SRL: variants seen among roughly 807,000 people sequenced by gnomAD.
SRL encodes the protein sarcalumenin.
A neutral mutation model predicts 39.5 loss-of-function variants in SRL; 23 were observed. The observed-to-expected ratio is 0.58, with a 90% confidence interval of 0.42 to 0.82. The LOEUF is 0.82. SRL is among the 40% of genes least tolerant of loss of function. The pLI, the probability that SRL is intolerant of heterozygous loss-of-function variation, is 0.00. For missense variants in SRL, 592 were observed against 607.8 expected, an observed-to-expected ratio of 0.97 and a Z score of 0.27; for synonymous variants, 272 against 237.4, an observed-to-expected ratio of 1.15 and a Z score of -1.34.
intron 1 of SRL, among the ~76,000 whole-genome samples, chr16:4,240,807 A>G (rs1355248595): frequency 1.3e-5 from 2 of 152,114 alleles, no homozygotes; most frequent in Admixed American, 6.6e-5. Flanking sequence ...TCCGGATCCA[A>G]TTACGCGGCT....
In SRL at chr16:4,197,771, C is replaced by T. The variant is rs1567174788; in HGVS notation, c.376+28G>A. On this transcript the variant is annotated intron_variant, in intron 4 of 5. Transcript: ENST00000399609. ...TGCTTTTACATACAACATTCAAATC[C>T]CAACAATCACACAAGAATATTGATT... 4 of 1,467,844 alleles carry T rather than the reference C, an allele frequency of 2.7e-6. 1 individual carries two copies. The highest frequency in any genetic ancestry group is 3.8e-6 in the Non-Finnish European group (4 of 1,047,120). The allele number at this position is 1,467,844 out of a possible 1,614,324, so 90.9% of individuals were successfully genotyped here.
chr16:4,231,858 AAG>A (rs2052662870), intron 1 of SRL, among the ~76,000 whole-genome samples: 1 of 152,226 alleles, frequency 6.6e-6, no homozygotes, highest in Non-Finnish European at 1.5e-5. Flanking sequence ...TAAGCTTAGA[AAG>A]TATCTATTAT....
chr16:4,231,281 A>C (rs2052657692), intron 1 of SRL, among the ~76,000 whole-genome samples: 1 of 152,104 alleles, frequency 6.6e-6, no homozygotes, highest in South Asian at 2.1e-4. Context: ...GCACCACTGC[A>C]CTCCAGCCTG....
intron 1 of SRL, among the ~76,000 whole-genome samples, chr16:4,220,447 A>G (rs1367561180): frequency 6.7e-6 from 1 of 148,772 alleles, no homozygotes; most frequent in Non-Finnish European, 1.5e-5. Flanking sequence ...ACTGTCCTAG[A>G]AAAAAAAAAC....
chr16:4,232,362 G>A (rs773349680), intron 1 of SRL, among the ~76,000 whole-genome samples: 1 of 152,172 alleles, frequency 6.6e-6, no homozygotes, highest in Non-Finnish European at 1.5e-5. Context: ...TTGACACTAA[G>A]TAATCAACAA....
chr16:4,201,511 AAG>A (rs1467585589), intron 3 of SRL, among the ~76,000 whole-genome samples: 4,484 of 122,308 alleles, frequency 0.037, 274 homozygotes, highest in African/African-American at 0.063. Flanking sequence ...TCCTGGCCTC[AAG>A]GGATCTGCTC....
chr16:4,220,489 G>C (rs1046203357), intron 1 of SRL, among the ~76,000 whole-genome samples: 4 of 151,832 alleles, frequency 2.6e-5, no homozygotes, highest in Non-Finnish European at 4.4e-5. Flanking sequence ...CCTGGGAGCA[G>C]CCTTGCTAGA....
rs2052038870 is a variant in SRL at position 4,189,774 on chromosome 16, C to T, written c.*2379G>A. ...TTAGCCTCATCCCAGCCATTTCCCCCAAAGCAGTGGTGACACCAACAGCTA... is the reference window on the plus strand; with the variant it reads ...TTAGCCTCATCCCAGCCATTTCCCCTAAAGCAGTGGTGACACCAACAGCTA... On this transcript the variant is annotated 3_prime_UTR_variant, in exon 6 of 6. Transcript: ENST00000399609. 6.5e-6 allele frequency: 1 copy of T among 152,880 alleles called. No individual in the cohort carries two copies. Among genetic ancestry groups the T allele is most frequent in the Non-Finnish European group, 1.5e-5 (1 of 68,526 alleles). 9.5% of individuals were successfully genotyped at this position (152,880 alleles called of 1,614,324 possible). A position where few individuals can be genotyped will look rare whatever the true frequency, so the allele number is the denominator to read the frequency against.
At chr16:4,205,740 T>C (rs965319905) in intron 1 of SRL, among the ~76,000 whole-genome samples, 1 of 152,098 alleles carries the variant, frequency 6.6e-6, no homozygotes, top group Non-Finnish European at 1.5e-5. Context: ...CCACAGGGCT[T>C]TGGGTTTCAT....
At chr16:4,205,511 G>A (rs1245463458) in intron 1 of SRL, among the ~76,000 whole-genome samples, 1 of 152,226 alleles carries the variant, frequency 6.6e-6, no homozygotes, top group African/African-American at 2.4e-5. Flanking sequence ...GCTCAGGAGT[G>A]TGCCTGCACC....
rs2052042959 is a variant in SRL, at chr16:4,190,082, C to T, written c.*2071G>A. On this transcript the variant is annotated 3_prime_UTR_variant, in exon 6 of 6. Coordinates refer to ENST00000399609, the MANE Select transcript of SRL (RefSeq NM_001098814.2). ...ACTCACTGTTCTTTCCTGGTCGACT[C>T]GTTCCTTGGAAACATTGTCCTGAGT... 3 of 395,598 alleles carry T rather than the reference C, an allele frequency of 7.6e-6. No homozygotes were observed. The highest frequency in any genetic ancestry group is 8.9e-6 in the Non-Finnish European group (2 of 224,826). The allele number at this position is 395,598 out of a possible 1,614,324, so 24.5% of individuals were successfully genotyped here.
At chr16:4,206,008 G>C (rs78625040) in intron 1 of SRL, among the ~76,000 whole-genome samples, 4,837 of 152,146 alleles carry the variant, frequency 0.032, 220 homozygotes, top group African/African-American at 0.11. Context: ...ATCTTGGAGA[G>C]TGAAGACTTG....
chr16:4,194,353 G>C (rs373592692), intron 5 of SRL, among the ~76,000 whole-genome samples: 18 of 152,212 alleles, frequency 1.2e-4, no homozygotes, highest in East Asian at 1.2e-3. Context: ...AAACCACTCT[G>C]GTTTCTGTCT....
At chr16:4,205,087 T>C (rs7202310) in intron 1 of SRL, among the ~76,000 whole-genome samples, 34,432 of 151,486 alleles carry the variant, frequency 0.23, 4,094 homozygotes, top group African/African-American at 0.3. Flanking sequence ...CTTTAGGAGG[T>C]CCAGATGGGA....
rs117711624 is a variant in SRL at position 4,226,524 on chromosome 16, T to C, written c.61+15483A>G. Among the ~76,000 whole-genome samples the C allele has an allele frequency of 2.5e-3, 380 of 149,700 alleles. 4 individuals carry two copies. The highest frequency in any genetic ancestry group is 0.022 in the East Asian group (109 of 4,984). On this transcript the variant is annotated intron_variant, in intron 1 of 5. Coordinates refer to ENST00000399609, the MANE Select transcript of SRL (RefSeq NM_001098814.2). ...GTGGAAGGATGGATGGATGGATAAA[T>C]GGAGGGACAGATGGATGGACACATA...
intron 1 of SRL, among the ~76,000 whole-genome samples, chr16:4,222,464 G>A (rs187211188): frequency 2.6e-5 from 4 of 152,012 alleles, no homozygotes; most frequent in East Asian, 3.9e-4. Context: ...TGGTAGATAC[G>A]GGGTTTTGCC....
At position 4,240,374 on chromosome 16, in the gene SRL, G is replaced by A. The variant is rs143551641; in HGVS notation, c.61+1633C>T. Among the ~76,000 whole-genome samples, 818 of 152,264 alleles carry A rather than the reference G, an allele frequency of 5.4e-3. 5 individuals carry two copies. The highest frequency in any genetic ancestry group is 8.5e-3 in the Non-Finnish European group (575 of 68,010). Reference sequence around the variant, plus strand: ...GCCACCTTGTGGGTTAGAACCTGCCGGTGGATGCAGGAGGAGGCCTATTCT... The same window carrying A: ...GCCACCTTGTGGGTTAGAACCTGCCAGTGGATGCAGGAGGAGGCCTATTCT... On this transcript the variant is annotated intron_variant, in intron 1 of 5. Transcript: ENST00000399609.
In SRL at chr16:4,192,044, G is replaced by A. The variant is rs1298932949; in HGVS notation, c.*109C>T. 1.6e-6 allele frequency: 2 copies of A among 1,243,362 alleles called. No individual in the cohort carries two copies. Among genetic ancestry groups the A allele is most frequent in the Non-Finnish European group, 2.3e-6 (2 of 888,790 alleles). The allele number at this position is 1,243,362 out of a possible 1,614,324, so 77.0% of individuals were successfully genotyped here. A position where few individuals can be genotyped will look rare whatever the true frequency, so the allele number is the denominator to read the frequency against. On this transcript the variant is annotated 3_prime_UTR_variant, in exon 6 of 6. Coordinates refer to ENST00000399609, the MANE Select transcript of SRL (RefSeq NM_001098814.2). The surrounding 1 kb of genome is among the most constrained non-coding windows in gnomAD (Gnocchi z 4.0). ...CTCAATGAACTCCCAACTCTCCACT[G>A]TGTAATAATTCCTGCCAGTGTGGCT...
intron 5 of SRL, among the ~76,000 whole-genome samples, chr16:4,193,559 C>T (rs144411386): frequency 2.8e-4 from 42 of 152,238 alleles, no homozygotes; most frequent in African/African-American, 8.9e-4. Context: ...TTGCCCCTGG[C>T]GAGCTGTATA....
Sources: allele counts gnomAD v4.1 joint callset (sites outside exome capture counted in the v4.1 genomes callset), GRCh38; gene constraint gnomAD v4.1.1; non-coding constraint Gnocchi (gnomAD v3.1); transcripts MANE v1.5; gene names NCBI Gene and HGNC (gene_info 2026-07-23, HGNC 2026-07-21).